Variants in RUNX2 observed in about 807,000 individuals in gnomAD.
The protein encoded by RUNX2 is RUNX family transcription factor 2.
RUNX2 carries 10 observed loss-of-function variants against 51.7 expected under a neutral mutation model. That is an observed-to-expected ratio of 0.19 (90% confidence interval 0.12 to 0.33). The LOEUF is 0.33. Ranked by LOEUF, RUNX2 falls within the 10% of genes least tolerant of loss-of-function variation. The probability of loss-of-function intolerance (pLI) is 1.00; values close to 1 mark genes in which losing one functional copy is unlikely to be tolerated. For missense variants in RUNX2, 562 were observed against 691.3 expected, an observed-to-expected ratio of 0.81 and a Z score of 2.10; for synonymous variants, 276 against 273.6, an observed-to-expected ratio of 1.01 and a Z score of -0.09.
At chr6:45,536,353 T>C (rs1305903605) in intron 7 of RUNX2, among the ~76,000 whole-genome samples, 1 of 152,170 alleles carries the variant, frequency 6.6e-6, no homozygotes, top group Admixed American at 6.5e-5. Context: ...CCTGTGGCTT[T>C]GATCCTAGAT....
intron 6 of RUNX2, among the ~76,000 whole-genome samples, chr6:45,508,458 C>A (rs998360976): frequency 4.6e-5 from 7 of 152,112 alleles, no homozygotes; most frequent in Non-Finnish European, 7.4e-5. Flanking sequence ...GAGCTCCCAG[C>A]CTCAGGTGAT....
At chr6:45,380,737 C>CG (rs1461535547) in intron 2 of RUNX2, among the ~76,000 whole-genome samples, 2 of 152,130 alleles carry the variant, frequency 1.3e-5, no homozygotes, top group African/African-American at 4.8e-5. Flanking sequence ...CCACCACGCC[C>CG]GGGTAATTTT....
intron 2 of RUNX2, among the ~76,000 whole-genome samples, chr6:45,379,225 C>G (rs185801692): frequency 5.9e-5 from 9 of 152,274 alleles, no homozygotes. Flanking sequence ...GAGAGCTCAG[C>G]TTGATGTGTA....
At chr6:45,437,899 C>A in intron 4 of RUNX2, 48 bp from the exon 5 acceptor site, 1 of 1,337,234 alleles carries the variant, frequency 7.5e-7, no homozygotes, top group Non-Finnish European at 1.1e-6. Flanking sequence ...TAATCATCAA[C>A]ACTGTTTTTT....
chr6:45,426,643 A>G (rs1798390256), intron 3 of RUNX2, among the ~76,000 whole-genome samples: 1 of 152,260 alleles, frequency 6.6e-6, no homozygotes, highest in Non-Finnish European at 1.5e-5. Flanking sequence ...ACACTGGACT[A>G]CATATATTTA....
At position 45,422,751 on chromosome 6, in the gene RUNX2, G is replaced by T; in HGVS notation, c.217G>T (p.Ala73Ser). 7.5e-7 allele frequency: 1 copy of T among 1,329,574 alleles called. No homozygotes were observed. The highest frequency in any genetic ancestry group is 1.0e-6 in the Non-Finnish European group (1 of 984,142). 82.4% of individuals were successfully genotyped at this position (1,329,574 alleles called of 1,614,324 possible). A position where few individuals can be genotyped will look rare whatever the true frequency, so the allele number is the denominator to read the frequency against. Residue 73 changes from alanine to serine, a missense_variant, in exon 3 of 9, where the codon GCG becomes TCG. By Grantham distance (99) the Ala-to-Ser change is moderately conservative. Coordinates refer to ENST00000647337, the MANE Select transcript of RUNX2 (RefSeq NM_001024630.4). ...GCAACAGCAGCAGCAGCAGCAGGAGGCGGCGGCGGCGGCTGCGGCGGCGGC... is the reference window on the plus strand; with the variant it reads ...GCAACAGCAGCAGCAGCAGCAGGAGTCGGCGGCGGCGGCTGCGGCGGCGGC... ...QQQQQQQQQE[A>S]AAAAAAAAAA... is the part of the protein sequence containing the mutation.
chr6:45,532,008 C>T (rs1231743014), intron 7 of RUNX2, among the ~76,000 whole-genome samples: 1 of 152,098 alleles, frequency 6.6e-6, no homozygotes, highest in Non-Finnish European at 1.5e-5. Context: ...TCCTTTACTG[C>T]TAAATTTAAG....
intron 2 of RUNX2, among the ~76,000 whole-genome samples, chr6:45,416,838 A>G (rs557058963): frequency 1.3e-5 from 2 of 152,360 alleles, no homozygotes; most frequent in East Asian, 1.9e-4. Context: ...CTGAAAGGTC[A>G]TATGGCAAGT....
At chr6:45,528,067 G>T (rs888537231) in intron 7 of RUNX2, among the ~76,000 whole-genome samples, 4 of 152,118 alleles carry the variant, frequency 2.6e-5, no homozygotes, top group Non-Finnish European at 4.4e-5. Context: ...ATGTGTACAG[G>T]GGGCAGGGGA....
At chr6:45,530,171 A>C (rs977378268) in intron 7 of RUNX2, among the ~76,000 whole-genome samples, 3 of 152,242 alleles carry the variant, frequency 2.0e-5, no homozygotes, top group African/African-American at 7.2e-5. Context: ...GGTACCTAAG[A>C]GAGAAAAACT....
At chr6:45,481,715 C>T (rs1427476988) in intron 5 of RUNX2, among the ~76,000 whole-genome samples, 3 of 152,162 alleles carry the variant, frequency 2.0e-5, no homozygotes, top group Admixed American at 2.0e-4. Context: ...TCCTTCTGGT[C>T]TCTTTGCTCC....
At chr6:45,413,410 G>A (rs1017727228) in intron 2 of RUNX2, among the ~76,000 whole-genome samples, 1 of 138,726 alleles carries the variant, frequency 7.2e-6, no homozygotes, top group Non-Finnish European at 1.5e-5. Context: ...AGTAGATACA[G>A]AAAGTTAAAA....
At chr6:45,488,462 C>T (rs950773886) in intron 5 of RUNX2, among the ~76,000 whole-genome samples, 4 of 152,158 alleles carry the variant, frequency 2.6e-5, no homozygotes, top group South Asian at 2.1e-4. Flanking sequence ...GGTCAGGGCT[C>T]AACCAGAAAA....
intron 7 of RUNX2, among the ~76,000 whole-genome samples, chr6:45,518,916 G>A (rs776737077): frequency 9.9e-5 from 15 of 152,124 alleles, no homozygotes; most frequent in Admixed American, 7.9e-4. Context: ...AAGAGGGGGC[G>A]CAGTTTAACT....
At chr6:45,506,439 T>C (rs1034542281) in intron 6 of RUNX2, among the ~76,000 whole-genome samples, 1 of 152,148 alleles carries the variant, frequency 6.6e-6, no homozygotes, top group Admixed American at 6.5e-5. Context: ...TGATACGTAG[T>C]GCCTCAGATT....
intron 6 of RUNX2, among the ~76,000 whole-genome samples, chr6:45,510,102 A>G (rs1291337996): frequency 6.6e-6 from 1 of 152,204 alleles, no homozygotes; most frequent in Non-Finnish European, 1.5e-5. Flanking sequence ...GAATTACATT[A>G]ATGGTGTAAG....
At chr6:45,374,351 T>C (rs565717451) in intron 2 of RUNX2, among the ~76,000 whole-genome samples, 6 of 152,318 alleles carry the variant, frequency 3.9e-5, no homozygotes, top group African/African-American at 1.4e-4. Flanking sequence ...ACATGAGTTA[T>C]TTAAATTAAC....
chr6:45,342,001 T>TA (rs888739840), intron 2 of RUNX2, among the ~76,000 whole-genome samples: 20 of 149,656 alleles, frequency 1.3e-4, no homozygotes, highest in Admixed American at 4.7e-4. Flanking sequence ...AACCTAGCAT[T>TA]AAAAAAAAAC....
chr6:45,454,079 G>A (rs1799253143), intron 5 of RUNX2, among the ~76,000 whole-genome samples: 2 of 152,290 alleles, frequency 1.3e-5, no homozygotes, highest in South Asian at 4.1e-4. Flanking sequence ...ATTCTAGATT[G>A]TGTTGGAGCT....
Sources: gnomAD v4.1 joint callset for allele counts (sites outside exome capture counted in the v4.1 genomes callset) on GRCh38, gnomAD v4.1.1 for gene constraint, MANE v1.5 for transcripts, NCBI Gene and HGNC (gene_info 2026-07-23, HGNC 2026-07-21) for gene names.